Variants in CCDC110 observed in about 807,000 individuals in gnomAD.
CCDC110 encodes the protein coiled-coil domain containing 110.
CCDC110 carries 70 observed loss-of-function variants against 77.1 expected under a neutral mutation model. The observed-to-expected ratio is 0.91, with a 90% CI of 0.75 to 1.11. The LOEUF is 1.11. Ranked by LOEUF, CCDC110 falls within the 50% of genes least tolerant of loss-of-function variation. CCDC110 has a pLI of 0.00. For missense variants in CCDC110, 868 were observed against 942.9 expected (o/e 0.92, Z 1.04); for synonymous variants, 295 against 312.5 (o/e 0.94, Z 0.59).
At chr4:185,457,773 T>A (rs1290369834) in intron 6 of CCDC110, 1 of 1,435,724 alleles carries the variant, frequency 7.0e-7, no homozygotes, top group African/African-American at 1.5e-5. Context: ...AGTTTATTTA[T>A]ATATCTTGGA....
At chr4:185,445,580 C>A in intron 6 of CCDC110, 38 bp from the exon 7 acceptor site, 1 of 1,249,518 alleles carries the variant, frequency 8.0e-7, no homozygotes, top group Non-Finnish European at 1.2e-6. Context: ...ATTAAAAATG[C>A]CAACATAACT....
At chr4:185,445,648 G>T in intron 6 of CCDC110, 106 bp from the exon 7 acceptor site, 2 of 700,428 alleles carry the variant, frequency 2.9e-6, no homozygotes, top group Non-Finnish European at 4.7e-6. Context: ...ATTTTATCCA[G>T]GTTTTGCATA....
chr4:185,458,771 G>C lies in CCDC110; in HGVS notation c.1816C>G (p.Leu606Val). 1 of 1,610,146 alleles carries C rather than the reference G, an allele frequency of 6.2e-7. No homozygotes were observed. Among genetic ancestry groups the C allele is most frequent in the Non-Finnish European group, 8.5e-7 (1 of 1,179,042 alleles). ...LKEKSSLGNE[L>V]KESQLEIIQL... The stretch of plus-strand genomic sequence containing the variant: ...ATTATCTCTAGCTGGCTTTCTTTTA[G>C]TTCATTTCCAAGTGAGCTTTTTTCT... Residue 606 changes from leucine (L) to valine (V), a missense_variant, in exon 6 of 7, where the codon CTA becomes GTA. Transcript: ENST00000307588.
Position 185,458,654 on chromosome 4 carries a change from C to T in CCDC110, c.1933G>A (p.Glu645Lys). Residue 645 changes from glutamate (E) to lysine (K), a missense_variant, in exon 6 of 7, where the codon GAA becomes AAA. Coordinates refer to ENST00000307588, the MANE Select transcript of CCDC110 (RefSeq NM_152775.4). ...GCAGTAGATTCTTGTAATGTTGTTT[C>T]AAGGTTGAGTTTTTCATCTTTAACT... ...ETVKDEKLNL[E>K]TTLQESTAAR... is the part of the protein sequence containing the mutation. The T allele has an allele frequency of 1.2e-6, 2 of 1,606,416 alleles. No homozygotes were observed. Among genetic ancestry groups the T allele is most frequent in the Non-Finnish European group, 1.7e-6 (2 of 1,179,040 alleles).
At chr4:185,471,386 ATCAGGCC>A (rs1467519761) in intron 1 of CCDC110, 5 of 219,786 alleles carry the variant, frequency 2.3e-5, no homozygotes, top group African/African-American at 3.8e-5. Flanking sequence ...GAGGGACGGC[ATCAGGCC>A]GGGCCTGGGG....
Position 185,459,558 on chromosome 4 carries a change from T to C in CCDC110, c.1029A>G (p.Leu343=), listed in dbSNP as rs2095642220. The change falls in exon 6 of 7, where the codon TTA becomes TTG. Residue 343 remains leucine (L), a synonymous_variant. Transcript: ENST00000307588. ...TTCCCCTGTGCATTTCACTCTTAGA[T>C]AACTTTTTACATTTTCTACAAAAAT... is the stretch of plus-strand genomic sequence containing the variant. The part of the protein sequence containing the change: ...HVHFCRKCKK[L]SKSEMHRGKK... The C allele has an allele frequency of 7.4e-6, 12 of 1,613,330 alleles. No individual in the cohort carries two copies. Among genetic ancestry groups the C allele is most frequent in the Non-Finnish European group, 8.5e-6 (10 of 1,179,676 alleles).
chr4:185,466,361 G>A (rs1035742248), intron 2 of CCDC110, among the ~76,000 whole-genome samples: 1 of 152,012 alleles, frequency 6.6e-6, no homozygotes, highest in Non-Finnish European at 1.5e-5. Flanking sequence ...GGAGACAAGA[G>A]CGAAACTCCA....
At chr4:185,464,204 C>T (rs1490101780) in intron 2 of CCDC110, among the ~76,000 whole-genome samples, 1 of 152,136 alleles carries the variant, frequency 6.6e-6, no homozygotes, top group Non-Finnish European at 1.5e-5. Flanking sequence ...AAGAGGTCAG[C>T]GAATCTCCTT....
chr4:185,449,553 C>T (rs756544683), intron 6 of CCDC110: 2 of 1,258,104 alleles, frequency 1.6e-6, no homozygotes, highest in Non-Finnish European at 2.2e-6. Context: ...AGGTATTTGA[C>T]TTGCACCTAT....
Position 185,470,974 on chromosome 4 carries a change from C to G in CCDC110, c.86G>C (p.Gly29Ala), listed in dbSNP as rs568885277. 1.2e-6 allele frequency: 2 copies of G among 1,610,988 alleles called. No homozygotes were observed. Among genetic ancestry groups the G allele is most frequent in the Middle Eastern group, 1.6e-4 (1 of 6,062 alleles). Residue 29 changes from glycine to alanine, a missense_variant, in exon 2 of 7, where the codon GGG becomes GCG. Coordinates refer to ENST00000307588, the MANE Select transcript of CCDC110 (RefSeq NM_152775.4). ...GTCACTGCAGCCACTTTCCTTCACC[C>G]CCTCCGAAGAATTTAGGATCTTGGA... is the stretch of plus-strand genomic sequence containing the variant. Reference protein sequence around the residue: ...SASKILNSSEGVKESGCSDTE... With the variant: ...SASKILNSSEAVKESGCSDTE...
rs965718868 is a variant in CCDC110, at chr4:185,445,310, C to T, written c.*192G>A. 11 of 710,024 alleles carry T rather than the reference C, an allele frequency of 1.5e-5. No homozygotes were observed. Among genetic ancestry groups the T allele is most frequent in the African/African-American group, 3.6e-5 (2 of 55,898 alleles). 44.0% of individuals were successfully genotyped at this position (710,024 alleles called of 1,614,324 possible). A position where few individuals can be genotyped will look rare whatever the true frequency, so the allele number is the denominator to read the frequency against. ...GCCCTCCCTTGTAGAAGTTCTCCCC[C>T]ATCTTCTGAAATTCCCAGCTGAGAA... On this transcript the variant is annotated 3_prime_UTR_variant, in exon 7 of 7. Transcript: ENST00000307588.
intron 6 of CCDC110, chr4:185,457,702 T>C: frequency 9.4e-7 from 1 of 1,065,548 alleles, no homozygotes; most frequent in Non-Finnish European, 1.3e-6. Flanking sequence ...TCACATAATT[T>C]AAAATTATTT....
At chr4:185,471,462 G>T (rs2153326834) in intron 1 of CCDC110, 1 of 492,860 alleles carries the variant, frequency 2.0e-6, no homozygotes, top group East Asian at 3.7e-5. Context: ...GGCGGCGGCG[G>T]CAGACCACGT....
In CCDC110 at chr4:185,459,119, T is replaced by C. The variant is rs1378238850; in HGVS notation, c.1468A>G (p.Ile490Val). Reference sequence around the variant, plus strand: ...TCTGTTTTACTTAACTTAGACTGAATAGTACTCTTTTCTTCAACCAGATTC... The same window carrying C: ...TCTGTTTTACTTAACTTAGACTGAACAGTACTCTTTTCTTCAACCAGATTC... The part of the protein sequence containing the change: ...LKNLVEEKST[I>V]QSKLSKTEEY... Residue 490 changes from isoleucine (I) to valine (V), a missense_variant, in exon 6 of 7, where the codon ATT becomes GTT. Ile to Val is a conservative substitution (Grantham distance 29). Transcript: ENST00000307588. 1.3e-6 allele frequency: 2 copies of C among 1,594,020 alleles called. No homozygotes were observed. The highest frequency in any genetic ancestry group is 2.2e-5 in the East Asian group (1 of 44,676).
chr4:185,459,557 A>T lies in CCDC110; in HGVS notation c.1030T>A (p.Ser344Thr), dbSNP rs1185653352. Residue 344 changes from serine (S) to threonine (T), a missense_variant, in exon 6 of 7, where the codon TCT (serine) becomes ACT (threonine). Ser to Thr is a moderately conservative substitution (Grantham distance 58, BLOSUM62 1). Transcript: ENST00000307588. ...VHFCRKCKKL[S>T]KSEMHRGKKN... ...TTTCCCCTGTGCATTTCACTCTTAG[A>T]TAACTTTTTACATTTTCTACAAAAA... The T allele has an allele frequency of 1.2e-6, 2 of 1,613,088 alleles. No homozygotes were observed. The highest frequency in any genetic ancestry group is 1.7e-6 in the Non-Finnish European group (2 of 1,179,622).
At chr4:185,471,380 G>A (rs1188129887) in intron 1 of CCDC110, 7 of 208,922 alleles carry the variant, frequency 3.4e-5, no homozygotes, top group Non-Finnish European at 6.6e-5. Context: ...GGGGCGGAGG[G>A]ACGGCATCAG....
chr4:185,447,339 G>T (rs548950478), intron 6 of CCDC110, among the ~76,000 whole-genome samples: 2 of 151,692 alleles, frequency 1.3e-5, no homozygotes, highest in Non-Finnish European at 2.9e-5. Context: ...CCGCCACCAC[G>T]CCCGGCTAAT....
rs187344013 is a variant in CCDC110 at position 185,468,516 on chromosome 4, G to A, written c.115+2429C>T. Among the ~76,000 whole-genome samples, 3 of 152,142 alleles carry A rather than the reference G, an allele frequency of 2.0e-5. No homozygotes were observed. Among genetic ancestry groups the A allele is most frequent in the Non-Finnish European group, 2.9e-5 (2 of 67,986 alleles). Reference sequence around the variant, plus strand: ...ACAAAGCCCTGTCCTGGTTCCTCCCGCCTACCCTTCCCTACTTGTTCTGCT... The same window carrying A: ...ACAAAGCCCTGTCCTGGTTCCTCCCACCTACCCTTCCCTACTTGTTCTGCT... On this transcript the variant is annotated intron_variant, in intron 2 of 6. Coordinates refer to ENST00000307588, the MANE Select transcript of CCDC110 (RefSeq NM_152775.4). The surrounding 1 kb of genome is among the most constrained non-coding windows in gnomAD (Gnocchi z 4.5).
At chr4:185,448,725 G>C (rs766395296) in intron 6 of CCDC110, among the ~76,000 whole-genome samples, 3 of 152,130 alleles carry the variant, frequency 2.0e-5, no homozygotes, top group Non-Finnish European at 4.4e-5. Context: ...TAAACAGACA[G>C]TAAAATTAGA....
Sources: allele counts gnomAD v4.1 joint callset (sites outside exome capture counted in the v4.1 genomes callset), GRCh38; gene constraint gnomAD v4.1.1; non-coding constraint Gnocchi (gnomAD v3.1); transcripts MANE v1.5; gene names NCBI Gene and HGNC (gene_info 2026-07-23, HGNC 2026-07-21).